CORIN: variants seen among roughly 807,000 people sequenced by gnomAD.
CORIN encodes corin, serine peptidase, also known as atrial natriuretic peptide-converting enzyme.
A neutral mutation model predicts 125.3 loss-of-function variants in CORIN; 117 were observed. That is an observed-to-expected ratio of 0.93 (90% CI 0.80 to 1.09). CORIN has a LOEUF of 1.09. CORIN is among the 50% of genes least tolerant of loss of function. The probability of loss-of-function intolerance (pLI) is 0.00; values close to 1 mark genes in which losing one functional copy is unlikely to be tolerated. For synonymous variants in CORIN, 450 were observed against 466.4 expected (o/e 0.96, Z 0.45); for missense variants, 1,253 against 1,306.7 (o/e 0.96, Z 0.63).
intron 3 of CORIN, among the ~76,000 whole-genome samples, chr4:47,785,539 A>C (rs1448713751): frequency 6.6e-6 from 1 of 151,978 alleles, no homozygotes. Flanking sequence ...GTCATTCACC[A>C]ACATGTAAAA....
chr4:47,797,584 A>G (rs2109935890), intron 2 of CORIN, among the ~76,000 whole-genome samples: 1 of 152,206 alleles, frequency 6.6e-6, no homozygotes, highest in East Asian at 1.9e-4. Flanking sequence ...TACTATGACA[A>G]CAGGTCATAG....
chr4:47,793,749 A>G (rs1355169984), intron 2 of CORIN, among the ~76,000 whole-genome samples: 1 of 152,210 alleles, frequency 6.6e-6, no homozygotes, highest in African/African-American at 2.4e-5. Flanking sequence ...CTTGCTAAGT[A>G]CAGATATAGG....
chr4:47,651,853 T>TTC (rs1723743365), intron 13 of CORIN, among the ~76,000 whole-genome samples: 1 of 152,182 alleles, frequency 6.6e-6, no homozygotes, highest in South Asian at 2.1e-4. Flanking sequence ...TAAGTTTATT[T>TTC]TTTGCAGAAT....
rs200125523 is a variant in CORIN at position 47,680,194 on chromosome 4, C to T, written c.1079G>A (p.Trp360Ter). ...ACAGTCGTGGTCACCATCACACACCCACTCCATGGCGATGCAGCGCCCGTC... is the reference window on the plus strand; with the variant it reads ...ACAGTCGTGGTCACCATCACACACCTACTCCATGGCGATGCAGCGCCCGTC... ...CGDGRCIAME[W>*]VCDGDHDCVD... Residue 360 changes from tryptophan to a stop codon, truncating the protein, a stop_gained, in exon 8 of 22, where the codon TGG becomes TAG. Transcript: ENST00000273857. LOFTEE classifies it high-confidence loss of function. The T allele has an allele frequency of 1.2e-6, 2 of 1,613,996 alleles. No homozygotes were observed. Among genetic ancestry groups the T allele is most frequent in the East Asian group, 4.5e-5 (2 of 44,850 alleles).
At chr4:47,826,302 G>A (rs977577794) in intron 1 of CORIN, among the ~76,000 whole-genome samples, 3 of 152,206 alleles carry the variant, frequency 2.0e-5, no homozygotes, top group Admixed American at 6.5e-5. Flanking sequence ...GAATATTTGT[G>A]TATCAGTTAT....
At chr4:47,761,494 C>A (rs1235981291) in intron 4 of CORIN, among the ~76,000 whole-genome samples, 1 of 151,900 alleles carries the variant, frequency 6.6e-6, no homozygotes, top group Non-Finnish European at 1.5e-5. Flanking sequence ...CACACACACA[C>A]ACACACACAC....
intron 16 of CORIN, among the ~76,000 whole-genome samples, chr4:47,638,699 C>T (rs910991310): frequency 4.6e-5 from 7 of 152,232 alleles, no homozygotes; most frequent in Non-Finnish European, 1.0e-4. Flanking sequence ...TCCATTAAAC[C>T]TCTTTTTCTT....
intron 6 of CORIN, among the ~76,000 whole-genome samples, chr4:47,691,284 C>A (rs982319199): frequency 3.3e-5 from 5 of 152,180 alleles, no homozygotes; most frequent in African/African-American, 2.4e-5. Context: ...AGAGATTCTA[C>A]CAAATTCCCA....
chr4:47,712,891 G>C (rs1298998425), intron 5 of CORIN, among the ~76,000 whole-genome samples: 1 of 152,168 alleles, frequency 6.6e-6, no homozygotes, highest in Non-Finnish European at 1.5e-5. Context: ...AAACATAAAA[G>C]GAAGAGCTGC....
chr4:47,676,389 T>C (rs1276627110), intron 9 of CORIN, among the ~76,000 whole-genome samples: 2 of 152,142 alleles, frequency 1.3e-5, no homozygotes, highest in South Asian at 4.1e-4. Context: ...ACCCCACTCA[T>C]CCTTCAGGTC....
intron 19 of CORIN, among the ~76,000 whole-genome samples, chr4:47,620,665 T>C (rs1722270236): frequency 6.6e-6 from 1 of 152,238 alleles, no homozygotes; most frequent in Admixed American, 6.5e-5. Flanking sequence ...TAAGGGAAAA[T>C]GCAGAATGCA....
In CORIN at chr4:47,762,868, G is replaced by A. The variant is rs140952003; in HGVS notation, c.617+511C>T. On this transcript the variant is annotated intron_variant, in intron 4 of 21. Transcript: ENST00000273857. The stretch of plus-strand genomic sequence containing the variant: ...CAAGACTGAAGGGTTGGCAGTGGCC[G>A]TGCTCCTCTGCCTAGGGTCATAGCA... 2.2e-3 allele frequency among the ~76,000 whole-genome samples: 341 copies of A among 152,202 alleles called. 1 individual carries two copies. Among genetic ancestry groups the A allele is most frequent in the Non-Finnish European group, 3.7e-3 (251 of 68,028 alleles).
intron 19 of CORIN, among the ~76,000 whole-genome samples, chr4:47,617,303 G>T (rs755868812): frequency 3.3e-5 from 5 of 152,218 alleles, no homozygotes; most frequent in Non-Finnish European, 7.3e-5. Flanking sequence ...TCCAAAGTGG[G>T]TCAGGTGTTC....
chr4:47,609,342 C>T (rs772091272), intron 19 of CORIN, among the ~76,000 whole-genome samples: 13 of 152,224 alleles, frequency 8.5e-5, no homozygotes, highest in Admixed American at 1.3e-4. Flanking sequence ...GAGGTTCAAG[C>T]GATTCTCCTG....
At chr4:47,712,430 G>A (rs191204541) in intron 5 of CORIN, among the ~76,000 whole-genome samples, 5 of 152,196 alleles carry the variant, frequency 3.3e-5, no homozygotes, top group Non-Finnish European at 7.4e-5. Context: ...CTACAGGTGT[G>A]CATCACCATG....
chr4:47,727,483 T>C (rs574350557), intron 5 of CORIN, among the ~76,000 whole-genome samples: 2 of 152,232 alleles, frequency 1.3e-5, no homozygotes, highest in Non-Finnish European at 2.9e-5. Context: ...AACTTTTTGA[T>C]AAATTAATCA....
In CORIN at chr4:47,600,223, A is replaced by G. The variant is rs1405642223; in HGVS notation, c.2937T>C (p.Asp979=). The change falls in exon 21 of 22, where the codon GAT becomes GAC. Residue 979 remains aspartate, a synonymous_variant. Coordinates refer to ENST00000273857, the MANE Select transcript of CORIN (RefSeq NM_006587.4). Reference sequence around the variant, plus strand: ...CCAGAAAGCAACTTACCATGCATGAATCAACTGTGCCAGACTCATAGCCAG... The same window carrying G: ...CCAGAAAGCAACTTACCATGCATGAGTCAACTGTGCCAGACTCATAGCCAG... The part of the protein sequence containing the change: ...ICAGYESGTV[D]SCMGDSGGPL... 3 of 1,608,870 alleles carry G rather than the reference A, an allele frequency of 1.9e-6. No homozygotes were observed. Among genetic ancestry groups the G allele is most frequent in the South Asian group, 2.2e-5 (2 of 89,708 alleles).
intron 19 of CORIN, among the ~76,000 whole-genome samples, chr4:47,613,021 T>C (rs1442167693): frequency 6.6e-6 from 1 of 152,190 alleles, no homozygotes; most frequent in Admixed American, 6.6e-5. Context: ...GCTATGATAA[T>C]ATGTCCAGAG....
intron 2 of CORIN, 34 bp from the exon 3 acceptor site, chr4:47,786,959 T>C (rs1291414401): frequency 1.5e-5 from 22 of 1,421,108 alleles, no homozygotes; most frequent in East Asian, 2.3e-5. Flanking sequence ...AAAAAACCTA[T>C]CTTTGAAACA....
Sources: allele counts gnomAD v4.1 joint callset (sites outside exome capture counted in the v4.1 genomes callset), GRCh38; gene constraint gnomAD v4.1.1; transcripts MANE v1.5; gene names NCBI Gene and HGNC (gene_info 2026-07-23, HGNC 2026-07-21).